Variants in MMP27 observed in about 807,000 individuals in gnomAD.
MMP27 encodes the protein matrix metallopeptidase 27.
MMP27 carries 51 observed loss-of-function variants against 48.1 expected under a neutral mutation model. That is an observed-to-expected ratio of 1.06 (90% CI 0.85 to 1.34). The LOEUF (loss-of-function observed/expected upper bound fraction) is 1.34. Ranked by LOEUF, MMP27 falls within the 40% of genes most tolerant of loss-of-function variation. MMP27 has a pLI of 0.00. For missense variants in MMP27, 698 were observed against 619.3 expected, an observed-to-expected ratio of 1.13 and a Z score of -1.35; for synonymous variants, 229 against 208.9, an observed-to-expected ratio of 1.10 and a Z score of -0.83.
In MMP27 at chr11:102,702,863, C is replaced by G; in HGVS notation, c.509G>C (p.Arg170Pro). 1.2e-6 allele frequency: 2 copies of G among 1,613,770 alleles called. No homozygotes were observed. The highest frequency in any genetic ancestry group is 1.7e-6 in the Non-Finnish European group (2 of 1,179,910). The part of the protein sequence containing the change: ...FRTRVHGRCP[R>P]YFDGPLGVLG... ...CACTCCCAAGGGACCATCAAAATAG[C>G]GAGGACACCGACCATGGACTGAGAT... The change falls in exon 4 of 10, where the codon CGC (arginine) becomes CCC (proline). Residue 170 changes from arginine (R) to proline (P), a missense_variant. Transcript: ENST00000260229.
rs1226974796 is a variant in MMP27 at position 102,696,688 on chromosome 11, A to T, written c.767T>A (p.Ile256Asn). Reference sequence around the variant, plus strand: ...ATTTTGCTCACCATAGATGGACTGGATTCCATTGATATCATCCTGAGAAAG... The same window carrying T: ...ATTTTGCTCACCATAGATGGACTGGTTTCCATTGATATCATCCTGAGAAAG... ...YPLSQDDING[I>N]QSIYGGLPKE... The change falls in exon 5 of 10, where the codon ATC becomes AAC. Residue 256 changes from isoleucine to asparagine, a missense_variant. By Grantham distance (149) the Ile-to-Asn change is moderately radical. Transcript: ENST00000260229. 6.2e-7 allele frequency: 1 copy of T among 1,612,792 alleles called. No homozygotes were observed.
Position 102,691,845 on chromosome 11 carries a change from T to C in MMP27, c.1463A>G (p.Lys488Arg). 6.2e-7 allele frequency: 1 copy of C among 1,613,230 alleles called. No homozygotes were observed. Among genetic ancestry groups the C allele is most frequent in the South Asian group, 1.1e-5 (1 of 91,008 alleles). ...NKEKAHSGGIKILYHKSLSLF... is the reference protein window; with the variant it reads ...NKEKAHSGGIRILYHKSLSLF... Reference sequence around the variant, plus strand: ...GCTTAAACTCTTATGATACAATATCTTTATGCCTCCTGAATGTGCTTTTTC... The same window carrying C: ...GCTTAAACTCTTATGATACAATATCCTTATGCCTCCTGAATGTGCTTTTTC... Residue 488 changes from lysine to arginine, a missense_variant, in exon 10 of 10, where the codon AAG becomes AGG. Coordinates refer to ENST00000260229, the MANE Select transcript of MMP27 (RefSeq NM_022122.3).
rs757501720 is a variant in MMP27, at chr11:102,696,783, G to A, written c.672C>T (p.Leu224=). The A allele has an allele frequency of 2.5e-6, 4 of 1,613,570 alleles. No homozygotes were observed. Among genetic ancestry groups the A allele is most frequent in the South Asian group, 2.2e-5 (2 of 90,984 alleles). The stretch of plus-strand genomic sequence containing the variant: ...AGGCTGTTTGATCATTGGAGTGAGA[G>A]AGCCCCAGTGCATGACCAAATTCAT... The part of the protein sequence containing the change: ...AAHEFGHALG[L]SHSNDQTALM... The change falls in exon 5 of 10, where the codon CTC becomes CTT. Residue 224 remains leucine (L), a synonymous_variant. Coordinates refer to ENST00000260229, the MANE Select transcript of MMP27 (RefSeq NM_022122.3).
Position 102,704,679 on chromosome 11 carries a change from G to A in MMP27, c.199C>T (p.Gln67Ter). 1 of 1,613,842 alleles carries A rather than the reference G, an allele frequency of 6.2e-7. No homozygotes were observed. The highest frequency in any genetic ancestry group is 1.1e-5 in the South Asian group (1 of 91,068). ...GTCACTGTCAATCCAAAAAATGCTT[G>A]CATTTCCCGAATTTTGTCATCTATG... ...SLIDDKIREM[Q>*]AFFGLTVTGK... is the part of the protein sequence containing the mutation. Residue 67 changes from glutamine (Q) to a stop codon, truncating the protein, a stop_gained, in exon 2 of 10, where the codon CAA becomes TAA. Transcript: ENST00000260229. LOFTEE classifies it high-confidence loss of function.
At chr11:102,698,921 C>G (rs920729403) in intron 4 of MMP27, among the ~76,000 whole-genome samples, 1 of 152,144 alleles carries the variant, frequency 6.6e-6, no homozygotes, top group Non-Finnish European at 1.5e-5. Context: ...TGTCATAGCC[C>G]GTAAGGACTG....
At chr11:102,704,130 A>G (rs1322320392) in intron 2 of MMP27, among the ~76,000 whole-genome samples, 1 of 152,082 alleles carries the variant, frequency 6.6e-6, no homozygotes, top group Non-Finnish European at 1.5e-5. Flanking sequence ...TCTCTCTCAC[A>G]CACACATGTC....
intron 1 of MMP27, 29 bp downstream of exon 1, chr11:102,705,584 G>C: frequency 7.7e-7 from 1 of 1,300,836 alleles, no homozygotes. Flanking sequence ...TTTATCAATA[G>C]TCATCGATAT....
At chr11:102,694,146 G>A (rs1372040517) in intron 7 of MMP27, 81 bp from the exon 8 acceptor site, 3 of 1,041,598 alleles carry the variant, frequency 2.9e-6, no homozygotes, top group African/African-American at 3.3e-5. Context: ...TAGATACCTA[G>A]TTCCTTTTAG....
intron 7 of MMP27, among the ~76,000 whole-genome samples, 183 bp downstream of exon 7, chr11:102,694,784 G>T (rs1452642334): frequency 6.6e-6 from 1 of 152,158 alleles, no homozygotes; most frequent in Non-Finnish European, 1.5e-5. Context: ...AACTAGGATT[G>T]TGTTTATCTT....
At chr11:102,698,775 G>A (rs1047399928) in intron 4 of MMP27, among the ~76,000 whole-genome samples, 2 of 151,890 alleles carry the variant, frequency 1.3e-5, no homozygotes, top group African/African-American at 4.8e-5. Flanking sequence ...CTTTCTCCTG[G>A]CTTAACTATC....
chr11:102,697,513 A>C (rs948887988), intron 4 of MMP27, among the ~76,000 whole-genome samples: 17 of 152,042 alleles, frequency 1.1e-4, no homozygotes, highest in Non-Finnish European at 4.4e-5. Flanking sequence ...TTACTTTATA[A>C]ATTTTTTTTT....
At chr11:102,704,829 A>T (rs1368004654) in intron 1 of MMP27, 54 bp from the exon 2 acceptor site, 1 of 1,238,972 alleles carries the variant, frequency 8.1e-7, no homozygotes, top group African/African-American at 1.5e-5. Context: ...AGGAGAGCAA[A>T]TCTCCATCTC....
At chr11:102,696,594 C>G in intron 5 of MMP27, 80 bp downstream of exon 5, 1 of 1,567,834 alleles carries the variant, frequency 6.4e-7, no homozygotes, top group South Asian at 1.2e-5. Flanking sequence ...GATAATATTT[C>G]AAGAAGTGAT....
Position 102,703,136 on chromosome 11 carries a change from A to C in MMP27, c.342-18T>G, listed in dbSNP as rs147273951. 464 of 1,605,090 alleles carry C rather than the reference A, an allele frequency of 2.9e-4. 3 individuals carry two copies. In the Middle Eastern group the frequency reaches 9.1e-3, roughly 32 times the overall value. ...TTATTATTCTTAAAAATTAACAAAA[A>C]TATGTCAATTTCTGGCTTATTCATG... On this transcript the variant is annotated intron_variant, in intron 2 of 9. Coordinates refer to ENST00000260229, the MANE Select transcript of MMP27 (RefSeq NM_022122.3).
intron 4 of MMP27, among the ~76,000 whole-genome samples, chr11:102,699,028 C>CA (rs56245636): frequency 0.19 from 28,381 of 152,018 alleles, 3,059 homozygotes; most frequent in East Asian, 0.49. Context: ...AATGGATGTC[C>CA]AAGTGTTGTC....
Position 102,699,539 on chromosome 11 carries a change from G to C in MMP27, c.620-2704C>G, listed in dbSNP as rs1050403885. On this transcript the variant is annotated intron_variant, in intron 4 of 9. Coordinates refer to ENST00000260229, the MANE Select transcript of MMP27 (RefSeq NM_022122.3). Reference sequence around the variant, plus strand: ...CTGGCTTTGCAACTAAGTGCATGGAGCCTAAGGAAAACCTCAGCTTCCCTG... The same window carrying C: ...CTGGCTTTGCAACTAAGTGCATGGACCCTAAGGAAAACCTCAGCTTCCCTG... Among the ~76,000 whole-genome samples the C allele has an allele frequency of 2.0e-5, 3 of 152,152 alleles. No homozygotes were observed. In the East Asian group the frequency reaches 5.8e-4, roughly 29 times the overall value.
Position 102,704,633 on chromosome 11 carries a change from G to T in MMP27, c.245C>A (p.Thr82Asn). 1 of 1,614,108 alleles carries T rather than the reference G, an allele frequency of 6.2e-7. No individual in the cohort carries two copies. The highest frequency in any genetic ancestry group is 8.5e-7 in the Non-Finnish European group (1 of 1,179,992). ...CCTGGGTGTCTTCATGATCTCAAGG[G>T]TGTTTGAGTCCAGTTTTCCAGTCAC... ...LTVTGKLDSN[T>N]LEIMKTPRCG... is the part of the protein sequence containing the mutation. The change falls in exon 2 of 10, where the codon ACC becomes AAC. Residue 82 changes from threonine to asparagine, a missense_variant. Physicochemically the swap from Thr to Asn is moderately conservative, Grantham distance 65 (BLOSUM62 0). Coordinates refer to ENST00000260229, the MANE Select transcript of MMP27 (RefSeq NM_022122.3).
Position 102,691,723 on chromosome 11 carries a change from T to C in MMP27, c.*43A>G. The C allele has an allele frequency of 6.9e-7, 1 of 1,458,214 alleles. No individual in the cohort carries two copies. The highest frequency in any genetic ancestry group is 9.2e-7 in the Non-Finnish European group (1 of 1,086,206). 90.3% of individuals were successfully genotyped at this position (1,458,214 alleles called of 1,614,324 possible). ...GTTTTATTCTATTTTGAAGCAGAAT[T>C]TATATTAAAAGACCTGTTGAGGTTT... is the stretch of plus-strand genomic sequence containing the variant. On this transcript the variant is annotated 3_prime_UTR_variant, in exon 10 of 10. Transcript: ENST00000260229.
chr11:102,703,909 A>AT (rs980760808), intron 2 of MMP27, among the ~76,000 whole-genome samples: 12 of 152,268 alleles, frequency 7.9e-5, no homozygotes, highest in Admixed American at 5.9e-4. Context: ...TGCTAAATTC[A>AT]TTTTTATCTC....
Sources: allele counts gnomAD v4.1 joint callset (sites outside exome capture counted in the v4.1 genomes callset), GRCh38; gene constraint gnomAD v4.1.1; transcripts MANE v1.5; gene names NCBI Gene and HGNC (gene_info 2026-07-23, HGNC 2026-07-21).